KMT2C: variants seen among roughly 807,000 people sequenced by gnomAD.
KMT2C encodes the protein lysine methyltransferase 2C.
KMT2C carries 88 observed loss-of-function variants against 507.9 expected under a neutral mutation model. That is an observed-to-expected ratio of 0.17 (90% CI 0.15 to 0.21). KMT2C has a LOEUF of 0.21. Ranked by LOEUF, KMT2C falls within the 10% of genes least tolerant of loss-of-function variation. KMT2C has a pLI of 1.00. For missense variants in KMT2C, 4,954 were observed against 5,957.8 expected (o/e 0.83, Z 5.55); for synonymous variants, 2,049 against 2,080.8 (o/e 0.98, Z 0.42).
intron 25 of KMT2C, among the ~76,000 whole-genome samples, chr7:152,203,769 C>G (rs982471706): frequency 6.6e-6 from 1 of 152,118 alleles, no homozygotes; most frequent in Non-Finnish European, 1.5e-5. Context: ...CACCAGACTA[C>G]GTAAGTGAAT....
At chr7:152,430,555 G>C (rs2097855574) in intron 1 of KMT2C, among the ~76,000 whole-genome samples, 1 of 152,188 alleles carries the variant, frequency 6.6e-6, no homozygotes, top group Non-Finnish European at 1.5e-5. Flanking sequence ...TTTATTTAGA[G>C]AGTCTTGCTC....
At chr7:152,204,306 T>A (rs117176611) in intron 25 of KMT2C, among the ~76,000 whole-genome samples, 1,887 of 151,858 alleles carry the variant, frequency 0.012, 19 homozygotes, top group Non-Finnish European at 0.02. Flanking sequence ...AAAAACAAAA[T>A]TTTTTTTAGA....
intron 48 of KMT2C, 41 bp downstream of exon 48, chr7:152,153,969 G>T: frequency 6.3e-7 from 1 of 1,599,420 alleles, no homozygotes. Flanking sequence ...TGAAAATTGG[G>T]GACATACTGT....
At chr7:152,230,125 A>G (rs749011456) in intron 17 of KMT2C, 95 bp downstream of exon 17, 111 of 971,364 alleles carry the variant, frequency 1.1e-4, no homozygotes, top group Non-Finnish European at 1.6e-4. Flanking sequence ...ATAGCTCTAT[A>G]GCTAAATATT....
At chr7:152,249,783 T>C (rs1203497004) in intron 13 of KMT2C, 93 bp downstream of exon 13, 2 of 533,736 alleles carry the variant, frequency 3.7e-6, no homozygotes, top group Admixed American at 2.7e-5. Context: ...GTTACCGTAA[T>C]GTATATACAT....
At chr7:152,245,828 A>G (rs2095462992) in intron 14 of KMT2C, among the ~76,000 whole-genome samples, 2 of 152,216 alleles carry the variant, frequency 1.3e-5, no homozygotes, top group East Asian at 3.8e-4. Flanking sequence ...GTAAAGACCA[A>G]AGAATTGGTA....
intron 1 of KMT2C, among the ~76,000 whole-genome samples, chr7:152,391,574 T>G (rs1312050180): frequency 2.2e-5 from 3 of 139,132 alleles, no homozygotes; most frequent in Non-Finnish European, 4.5e-5. Flanking sequence ...TGACACAGAG[T>G]CTCTGGCACA....
At chr7:152,185,814 G>A (rs967328618) in intron 33 of KMT2C, among the ~76,000 whole-genome samples, 183 bp from the exon 34 acceptor site, 6 of 152,194 alleles carry the variant, frequency 3.9e-5, no homozygotes, top group Admixed American at 6.5e-5. Context: ...CCAAACAAAC[G>A]TTTTCTAAAT....
At chr7:152,262,133 C>G (rs1467930993) in intron 9 of KMT2C, among the ~76,000 whole-genome samples, 4 of 152,202 alleles carry the variant, frequency 2.6e-5, no homozygotes, top group Non-Finnish European at 4.4e-5. Flanking sequence ...CTCCCTGCGT[C>G]TGCTCCACCT....
intron 2 of KMT2C, among the ~76,000 whole-genome samples, chr7:152,355,797 G>A (rs1349123825): frequency 6.6e-6 from 1 of 152,110 alleles, no homozygotes; most frequent in Non-Finnish European, 1.5e-5. Context: ...TGAAAAATAA[G>A]TAGTAATCAT....
chr7:152,376,383 A>C (rs1001467201), intron 1 of KMT2C, among the ~76,000 whole-genome samples: 1 of 152,252 alleles, frequency 6.6e-6, no homozygotes, highest in Admixed American at 6.5e-5. Flanking sequence ...TTAGTGGGGA[A>C]GGCATATCAA....
chr7:152,320,700 T>C (rs1385796659), intron 3 of KMT2C, among the ~76,000 whole-genome samples: 1 of 152,042 alleles, frequency 6.6e-6, no homozygotes, highest in Admixed American at 6.5e-5. Context: ...GTATTGAACA[T>C]CTTTATTGTT....
intron 1 of KMT2C, among the ~76,000 whole-genome samples, chr7:152,381,838 C>T (rs1372898032): frequency 6.6e-6 from 1 of 152,174 alleles, no homozygotes; most frequent in African/African-American, 2.4e-5. Flanking sequence ...TTAATTACCA[C>T]ATTCTGCCAG....
intron 34 of KMT2C, among the ~76,000 whole-genome samples, 171 bp downstream of exon 34, chr7:152,185,387 C>G (rs1363232566): frequency 2.6e-5 from 4 of 152,216 alleles, no homozygotes; most frequent in Non-Finnish European, 5.9e-5. Flanking sequence ...ATGTCACACT[C>G]TCTATTAAGA....
chr7:152,307,519 T>C (rs924834926), intron 6 of KMT2C, among the ~76,000 whole-genome samples: 1 of 152,082 alleles, frequency 6.6e-6, no homozygotes, highest in Non-Finnish European at 1.5e-5. Context: ...TACCACTAGA[T>C]CCCTTCTAAT....
chr7:152,255,157 A>ATATATATATATATATATGTG (rs767823858), intron 9 of KMT2C, among the ~76,000 whole-genome samples: 2 of 128,374 alleles, frequency 1.6e-5, no homozygotes, highest in East Asian at 2.2e-4. Flanking sequence ...ATATATATAT[A>ATATATATATATATATATGTG]TGTGTGTGTG....
intron 1 of KMT2C, among the ~76,000 whole-genome samples, chr7:152,422,986 C>CA (rs1269766152): frequency 6.7e-6 from 1 of 148,964 alleles, no homozygotes; most frequent in African/African-American, 2.5e-5. Flanking sequence ...CAATGCACTC[C>CA]AGCCTGGGCA....
chr7:152,334,768 GAC>G (rs1376392256), intron 2 of KMT2C, among the ~76,000 whole-genome samples: 1 of 152,166 alleles, frequency 6.6e-6, no homozygotes, highest in Admixed American at 6.5e-5. Flanking sequence ...AGAGAGACAA[GAC>G]AGAAGAAACC....
At chr7:152,149,196 A>G (rs1386052173) in intron 51 of KMT2C, 44 bp from the exon 52 acceptor site, 1 of 1,441,418 alleles carries the variant, frequency 6.9e-7, no homozygotes. Flanking sequence ...ATAATTCACA[A>G]GCCCGGAAAG....
Sources: allele counts gnomAD v4.1 joint callset (sites outside exome capture counted in the v4.1 genomes callset), GRCh38; gene constraint gnomAD v4.1.1; transcripts MANE v1.5; gene names NCBI Gene and HGNC (gene_info 2026-07-23, HGNC 2026-07-21).